TAF2: variants seen among roughly 807,000 people sequenced by gnomAD.
TAF2 encodes transcription initiation factor TFIID subunit 2.
TAF2 carries 61 observed loss-of-function variants against 138.5 expected under a neutral mutation model. The observed-to-expected ratio is 0.44, with a 90% CI of 0.36 to 0.54. The LOEUF (loss-of-function observed/expected upper bound fraction) is 0.54, where lower values mean the gene tolerates loss of function less well. TAF2 is among the 20% of genes least tolerant of loss of function. The probability of loss-of-function intolerance (pLI) is 0.00; values close to 1 mark genes in which losing one functional copy is unlikely to be tolerated. For missense variants in TAF2, 1,090 were observed against 1,427.9 expected (o/e 0.76, Z 3.81); for synonymous variants, 475 against 469.9 (o/e 1.01, Z -0.14).
intron 18 of TAF2, among the ~76,000 whole-genome samples, chr8:119,765,766 TG>T (rs1300477289): frequency 1.3e-5 from 2 of 152,228 alleles, no homozygotes; most frequent in Non-Finnish European, 2.9e-5. Flanking sequence ...CTAGGAATGA[TG>T]ATAATGTTGC....
chr8:119,818,187 C>T (rs1563922675), intron 3 of TAF2, among the ~76,000 whole-genome samples: 1 of 152,188 alleles, frequency 6.6e-6, no homozygotes, highest in Non-Finnish European at 1.5e-5. Flanking sequence ...TCAGAATCAC[C>T]TGGCAAGCTT....
chr8:119,789,832 G>T, intron 11 of TAF2, 86 bp from the exon 12 acceptor site: 1 of 1,308,338 alleles, frequency 7.6e-7, no homozygotes, highest in Non-Finnish European at 1.1e-6. Context: ...TAACTTTATT[G>T]TAGTCAATTA....
At chr8:119,740,521 C>T (rs1271090881) in intron 25 of TAF2, among the ~76,000 whole-genome samples, 1 of 146,280 alleles carries the variant, frequency 6.8e-6, no homozygotes, top group Admixed American at 6.8e-5. Flanking sequence ...AAAAATTAGC[C>T]GGGTGTGGTG....
At chr8:119,817,278 G>T (rs1163813140) in intron 3 of TAF2, among the ~76,000 whole-genome samples, 3 of 152,190 alleles carry the variant, frequency 2.0e-5, no homozygotes, top group African/African-American at 4.8e-5. Flanking sequence ...ACAGCAGGAG[G>T]TGAGTAGCGG....
chr8:119,744,734 C>T (rs1819838387), intron 23 of TAF2: 3 of 377,390 alleles, frequency 7.9e-6, no homozygotes, highest in East Asian at 1.3e-4. Flanking sequence ...ATACTTGGTT[C>T]GAATGTCTCA....
intron 4 of TAF2, among the ~76,000 whole-genome samples, chr8:119,805,521 C>G (rs1767044340): frequency 1.3e-5 from 2 of 151,994 alleles, no homozygotes; most frequent in Admixed American, 6.6e-5. Flanking sequence ...GCCTGGCCAA[C>G]ATGATGAAAC....
At chr8:119,820,240 T>C (rs1486462177) in intron 2 of TAF2, among the ~76,000 whole-genome samples, 1 of 152,190 alleles carries the variant, frequency 6.6e-6, no homozygotes, top group Non-Finnish European at 1.5e-5. Flanking sequence ...TTGATTTTAA[T>C]ATCCTGGGTT....
chr8:119,752,830 C>G (rs777580117), intron 22 of TAF2, among the ~76,000 whole-genome samples: 16 of 152,160 alleles, frequency 1.1e-4, no homozygotes, highest in Non-Finnish European at 1.6e-4. Flanking sequence ...CAATATACCT[C>G]AAATCCACTT....
At chr8:119,769,999 C>T (rs1257462035) in intron 18 of TAF2, among the ~76,000 whole-genome samples, 11 of 151,734 alleles carry the variant, frequency 7.2e-5, no homozygotes, top group African/African-American at 2.7e-4. Flanking sequence ...CCTCATGATC[C>T]GCCCATCTCA....
intron 16 of TAF2, among the ~76,000 whole-genome samples, chr8:119,782,405 T>C (rs907197945): frequency 2.0e-5 from 3 of 152,222 alleles, no homozygotes; most frequent in Admixed American, 6.5e-5. Context: ...AAGATCTTTA[T>C]AGAAACATTG....
intron 19 of TAF2, among the ~76,000 whole-genome samples, 195 bp from the exon 20 acceptor site, chr8:119,760,933 G>A (rs771743265): frequency 2.6e-5 from 4 of 151,972 alleles, no homozygotes; most frequent in Non-Finnish European, 4.4e-5. Flanking sequence ...ATACAATGGT[G>A]GTCCAGTAAG....
intron 14 of TAF2, 84 bp from the exon 15 acceptor site, chr8:119,785,350 G>A: frequency 6.5e-6 from 6 of 923,890 alleles, no homozygotes; most frequent in Non-Finnish European, 1.1e-5. Context: ...TTCAAATAAA[G>A]TATTTCACAC....
At chr8:119,755,000 T>C (rs1481617127) in intron 22 of TAF2, among the ~76,000 whole-genome samples, 2 of 152,238 alleles carry the variant, frequency 1.3e-5, no homozygotes, top group Non-Finnish European at 2.9e-5. Context: ...GAGTATTTCA[T>C]ATGAGCCAGA....
At chr8:119,773,525 GA>G (rs1475526981) in intron 18 of TAF2, among the ~76,000 whole-genome samples, 12 of 151,588 alleles carry the variant, frequency 7.9e-5, no homozygotes, top group African/African-American at 2.9e-4. Flanking sequence ...TACAATAATA[GA>G]AACTGGATTT....
chr8:119,774,354 T>C (rs1822067461), intron 18 of TAF2, among the ~76,000 whole-genome samples: 1 of 152,158 alleles, frequency 6.6e-6, no homozygotes, highest in Admixed American at 6.5e-5. Context: ...CAGTATTTTA[T>C]ATATTTACTA....
At chr8:119,795,420 T>C in intron 9 of TAF2, 112 bp downstream of exon 9, 4 of 932,326 alleles carry the variant, frequency 4.3e-6, no homozygotes, top group Non-Finnish European at 6.9e-6. Flanking sequence ...TCAATTCCCA[T>C]TTTGCTGGGA....
intron 17 of TAF2, among the ~76,000 whole-genome samples, chr8:119,778,546 A>G (rs1822420219): frequency 6.6e-6 from 1 of 152,144 alleles, no homozygotes; most frequent in Non-Finnish European, 1.5e-5. Context: ...AAGCTCTACT[A>G]CCTTCTGTGC....
chr8:119,798,904 T>A (rs1376612454), intron 6 of TAF2, among the ~76,000 whole-genome samples: 2 of 152,164 alleles, frequency 1.3e-5, no homozygotes. Context: ...TATTTAATCA[T>A]AATTTTATTT....
intron 18 of TAF2, 104 bp downstream of exon 18, chr8:119,777,915 A>C: frequency 1.5e-6 from 1 of 655,536 alleles, no homozygotes; most frequent in Admixed American, 3.0e-5. Context: ...TATAGACTAA[A>C]TATTTATTTA....
Sources: gnomAD v4.1 joint callset for allele counts (sites outside exome capture counted in the v4.1 genomes callset) on GRCh38, gnomAD v4.1.1 for gene constraint, MANE v1.5 for transcripts, NCBI Gene and HGNC (gene_info 2026-07-23, HGNC 2026-07-21) for gene names.